LRMDA: variants seen among roughly 807,000 people sequenced by gnomAD.
LRMDA encodes leucine rich melanocyte differentiation associated, also known as leucine-rich melanocyte differentiation-associated protein.
In LRMDA, 18 loss-of-function variants were observed where a neutral mutation model predicts 29.8. That is an observed-to-expected ratio of 0.60 (90% CI 0.42 to 0.90). The LOEUF is 0.90. LRMDA is among the 40% of genes least tolerant of loss of function. The pLI is 0.00. For missense variants in LRMDA, 273 were observed against 273.9 expected (o/e 1.00, Z 0.02); for synonymous variants, 125 against 109.4 (o/e 1.14, Z -0.89).
At chr10:76,116,009 G>A (rs909845332) in intron 5 of LRMDA, among the ~76,000 whole-genome samples, 3 of 152,198 alleles carry the variant, frequency 2.0e-5, no homozygotes, top group African/African-American at 7.2e-5. Context: ...CTTGTGGGAA[G>A]CACAGTGTGA....
At chr10:76,133,736 T>C (rs992676469) in intron 5 of LRMDA, among the ~76,000 whole-genome samples, 3 of 152,212 alleles carry the variant, frequency 2.0e-5, no homozygotes, top group Non-Finnish European at 4.4e-5. Flanking sequence ...AAATGATTGA[T>C]GAGCTGCCTG....
chr10:76,425,344 A>T (rs554985033), intron 6 of LRMDA, among the ~76,000 whole-genome samples: 92 of 151,536 alleles, frequency 6.1e-4, no homozygotes, highest in Middle Eastern at 3.4e-3. Flanking sequence ...GACAACCTTA[A>T]TTTTTTTTCT....
At chr10:75,700,318 A>G (rs1434384812) in intron 2 of LRMDA, among the ~76,000 whole-genome samples, 1 of 151,618 alleles carries the variant, frequency 6.6e-6, no homozygotes, top group Non-Finnish European at 1.5e-5. Context: ...GCATCATTAT[A>G]TGACATCTGT....
At chr10:75,440,206 A>G (rs571556583) in intron 2 of LRMDA, among the ~76,000 whole-genome samples, 99 of 146,344 alleles carry the variant, frequency 6.8e-4, no homozygotes, top group African/African-American at 2.4e-3. Context: ...ATATGGATTT[A>G]TTGTAGGAAA....
At chr10:75,832,415 GGATT>G (rs1362901151) in intron 2 of LRMDA, among the ~76,000 whole-genome samples, 1 of 152,154 alleles carries the variant, frequency 6.6e-6, no homozygotes, top group Non-Finnish European at 1.5e-5. Context: ...ACCTCAGCCT[GGATT>G]GCATTGTCCA....
intron 2 of LRMDA, among the ~76,000 whole-genome samples, chr10:75,623,629 G>T (rs1841214960): frequency 6.6e-6 from 1 of 152,144 alleles, no homozygotes; most frequent in Non-Finnish European, 1.5e-5. Flanking sequence ...GGTCTTTGTT[G>T]TTGTTATTTT....
intron 4 of LRMDA, among the ~76,000 whole-genome samples, chr10:76,056,853 G>C (rs985993132): frequency 5.3e-5 from 8 of 152,140 alleles, no homozygotes; most frequent in Non-Finnish European, 7.4e-5. Flanking sequence ...CTGGGAGCAG[G>C]GGCTCCTGCC....
intron 3 of LRMDA, among the ~76,000 whole-genome samples, chr10:76,037,266 G>C (rs1353667132): frequency 6.6e-6 from 1 of 152,192 alleles, no homozygotes; most frequent in Non-Finnish European, 1.5e-5. Flanking sequence ...TGGTCCAATG[G>C]CTTTGTTTTA....
At chr10:76,284,001 G>T (rs1434786132) in intron 5 of LRMDA, among the ~76,000 whole-genome samples, 2 of 152,148 alleles carry the variant, frequency 1.3e-5, no homozygotes, top group East Asian at 3.9e-4. Context: ...GAATATGAAT[G>T]TAATTAGGGA....
rs1840271238 is a variant in LRMDA at position 75,560,104 on chromosome 10, A to C, written c.131+121610A>C. 2.0e-5 allele frequency among the ~76,000 whole-genome samples: 3 copies of C among 151,580 alleles called. No homozygotes were observed. The South Asian group carries it at 6.3e-4, about 32-fold the overall frequency. On this transcript the variant is annotated intron_variant, in intron 2 of 6. Coordinates refer to ENST00000611255, the MANE Select transcript of LRMDA (RefSeq NM_001305581.2). ...GGTAGCTTTATGTGGATGGCATTGA[A>C]TCTATAAATTACCTTGGGCAGTATG...
chr10:76,053,227 GA>G (rs1446154409), intron 4 of LRMDA, among the ~76,000 whole-genome samples: 3 of 152,182 alleles, frequency 2.0e-5, no homozygotes, highest in African/African-American at 7.2e-5. Context: ...AAAACAAACT[GA>G]TTGAACCATC....
At chr10:76,098,832 A>T (rs866510026) in intron 5 of LRMDA, among the ~76,000 whole-genome samples, 9 of 152,144 alleles carry the variant, frequency 5.9e-5, no homozygotes, top group African/African-American at 2.2e-4. Context: ...GTTTAAGGAC[A>T]ATTTGGTGGG....
intron 2 of LRMDA, among the ~76,000 whole-genome samples, chr10:75,496,856 A>ATATACATGAGGGGTCTATACACATATGTG (rs1486382256): frequency 6.6e-6 from 1 of 152,178 alleles, no homozygotes; most frequent in Non-Finnish European, 1.5e-5. Flanking sequence ...GCACATATGT[A>ATATACATGAGGGGTCTATACACATATGTG]TATACATGAG....
At chr10:75,625,347 G>A (rs1003097825) in intron 2 of LRMDA, among the ~76,000 whole-genome samples, 13 of 152,152 alleles carry the variant, frequency 8.5e-5, no homozygotes, top group African/African-American at 3.1e-4. Context: ...GACAGCTTAG[G>A]TGACTTGTCC....
chr10:76,277,055 A>G (rs1840144365), intron 5 of LRMDA, among the ~76,000 whole-genome samples: 1 of 152,174 alleles, frequency 6.6e-6, no homozygotes, highest in Non-Finnish European at 1.5e-5. Flanking sequence ...AGTTTCATAT[A>G]CAGAATTAGA....
intron 2 of LRMDA, among the ~76,000 whole-genome samples, chr10:75,548,198 G>A (rs1457510564): frequency 6.6e-6 from 1 of 152,022 alleles, no homozygotes; most frequent in Non-Finnish European, 1.5e-5. Context: ...TTTTGGGTTT[G>A]GTAGCAATGT....
At chr10:75,973,698 G>A (rs1411050966) in intron 2 of LRMDA, among the ~76,000 whole-genome samples, 1 of 152,192 alleles carries the variant, frequency 6.6e-6, no homozygotes, top group Non-Finnish European at 1.5e-5. Context: ...GGGATTACAG[G>A]TGTGAGCCAT....
At chr10:75,964,388 T>A (rs1277977276) in intron 2 of LRMDA, among the ~76,000 whole-genome samples, 3 of 152,204 alleles carry the variant, frequency 2.0e-5, no homozygotes, top group Non-Finnish European at 4.4e-5. Context: ...TTTAAAACCT[T>A]TATTTAATTT....
At chr10:76,444,465 C>A (rs151014673) in intron 6 of LRMDA, among the ~76,000 whole-genome samples, 2 of 152,124 alleles carry the variant, frequency 1.3e-5, no homozygotes, top group Admixed American at 1.3e-4. Context: ...CAAGAGAATT[C>A]GATACTGGGT....
Sources: allele counts gnomAD v4.1 joint callset (sites outside exome capture counted in the v4.1 genomes callset), GRCh38; gene constraint gnomAD v4.1.1; transcripts MANE v1.5; gene names NCBI Gene and HGNC (gene_info 2026-07-23, HGNC 2026-07-21).